CTXND2: variants seen among roughly 807,000 people sequenced by gnomAD.
CTXND2 encodes the protein cortexin domain containing 2.
chr1:150,894,532 A>T (rs1668889818), intron 1 of CTXND2, among the ~76,000 whole-genome samples: 1 of 152,042 alleles, frequency 6.6e-6, no homozygotes, highest in African/African-American at 2.4e-5. Flanking sequence ...TTGCTTTCTT[A>T]TTTAAGACTG....
intron 1 of CTXND2, among the ~76,000 whole-genome samples, chr1:150,900,199 C>G (rs1353615976): frequency 1.3e-5 from 2 of 152,112 alleles, no homozygotes; most frequent in Non-Finnish European, 2.9e-5. Flanking sequence ...AGTTGTAATA[C>G]TCACCGTGAA....
Position 150,901,681 on chromosome 1 carries a change from G to A in CTXND2, c.-73-10561G>A, listed in dbSNP as rs962763383. 5.9e-5 allele frequency among the ~76,000 whole-genome samples: 9 copies of A among 152,204 alleles called. No individual in the cohort carries two copies. In the East Asian group the frequency reaches 1.4e-3, roughly 23 times the overall value. On this transcript the variant is annotated intron_variant, in intron 1 of 1. Coordinates refer to ENST00000636087, the Ensembl canonical transcript of CTXND2. ...GTAATCCCCAGCACTTTGGGAGGCC[G>A]AGGCGGGCAGATCATGAGGTCAGGA...
At chr1:150,894,204 G>C (rs775051816) in intron 1 of CTXND2, among the ~76,000 whole-genome samples, 1 of 151,958 alleles carries the variant, frequency 6.6e-6, no homozygotes, top group Non-Finnish European at 1.5e-5. Flanking sequence ...AACTCAGCTT[G>C]GTATTTGTGT....
intron 1 of CTXND2, among the ~76,000 whole-genome samples, chr1:150,894,668 T>A (rs991642524): frequency 6.6e-6 from 1 of 152,238 alleles, no homozygotes; most frequent in African/African-American, 2.4e-5. Flanking sequence ...TAGGTACATA[T>A]AATTTAGAAT....
rs145432788 is a variant in CTXND2, at chr1:150,889,004, G to A, written c.-74+1691G>A. 6.8e-4 allele frequency among the ~76,000 whole-genome samples: 104 copies of A among 151,986 alleles called. 1 individual carries two copies. In the East Asian group the frequency reaches 0.014, roughly 20 times the overall value. ...TAGGAATGAATCACCGTGCCTAGCC[G>A]ATCTCACTCTACTTCTGAATTCCAG... is the stretch of plus-strand genomic sequence containing the variant. On this transcript the variant is annotated intron_variant, in intron 1 of 1. Transcript: ENST00000636087.
chr1:150,900,603 G>A (rs1263519862), intron 1 of CTXND2, among the ~76,000 whole-genome samples: 1 of 152,050 alleles, frequency 6.6e-6, no homozygotes, highest in Non-Finnish European at 1.5e-5. Flanking sequence ...AGCTGAGATT[G>A]CTCCACTGCA....
chr1:150,900,096 C>T (rs149477927), intron 1 of CTXND2, among the ~76,000 whole-genome samples: 20 of 152,234 alleles, frequency 1.3e-4, no homozygotes, highest in South Asian at 2.1e-4. Flanking sequence ...GCAACCCGTT[C>T]GGGTCCCTTT....
intron 1 of CTXND2, among the ~76,000 whole-genome samples, chr1:150,906,029 C>T (rs933790568): frequency 2.0e-5 from 3 of 151,036 alleles, no homozygotes; most frequent in African/African-American, 7.3e-5. Context: ...GGTGTGGTGG[C>T]TCATGCCTAT....
intron 1 of CTXND2, among the ~76,000 whole-genome samples, chr1:150,902,299 C>T (rs587611530): frequency 2.7e-5 from 4 of 150,790 alleles, no homozygotes; most frequent in East Asian, 4.0e-4. Context: ...CCCAGCTACT[C>T]GGGAGGCTGA....
At chr1:150,906,654 G>C (rs1669151390) in intron 1 of CTXND2, among the ~76,000 whole-genome samples, 1 of 152,160 alleles carries the variant, frequency 6.6e-6, no homozygotes, top group African/African-American at 2.4e-5. Flanking sequence ...AGGCCCACTG[G>C]AATAATCTGT....
At chr1:150,902,388 C>G (rs998902605) in intron 1 of CTXND2, among the ~76,000 whole-genome samples, 4 of 149,694 alleles carry the variant, frequency 2.7e-5, no homozygotes, top group African/African-American at 9.9e-5. Flanking sequence ...GCCTGGGCAA[C>G]AGAGAGAGAC....
chr1:150,889,590 TACTC>T (rs1403445604), intron 1 of CTXND2, among the ~76,000 whole-genome samples: 1 of 152,010 alleles, frequency 6.6e-6, no homozygotes, highest in Non-Finnish European at 1.5e-5. Context: ...TCCTTTCTGT[TACTC>T]ACTGTGTTAT....
At chr1:150,897,971 C>A (rs1263257282) in intron 1 of CTXND2, among the ~76,000 whole-genome samples, 3 of 152,186 alleles carry the variant, frequency 2.0e-5, no homozygotes, top group African/African-American at 7.2e-5. Flanking sequence ...CCAATTAACT[C>A]TTTACCAAAC....
At chr1:150,905,202 G>A (rs1487121019) in intron 1 of CTXND2, among the ~76,000 whole-genome samples, 1 of 149,938 alleles carries the variant, frequency 6.7e-6, no homozygotes, top group Non-Finnish European at 1.5e-5. Context: ...GGAGTGCAAG[G>A]GTGTAATTTT....
Sources: gnomAD v4.1 joint callset for allele counts (sites outside exome capture counted in the v4.1 genomes callset) on GRCh38, gnomAD v4.1.1 for gene constraint, MANE v1.5 for transcripts, NCBI Gene and HGNC (gene_info 2026-07-23, HGNC 2026-07-21) for gene names.